ZSWIM6: variants seen among roughly 807,000 people sequenced by gnomAD.
The protein encoded by ZSWIM6 is zinc finger SWIM domain-containing protein 6.
In ZSWIM6, 9 loss-of-function variants were observed where a neutral mutation model predicts 113.2. The ratio of observed to expected loss-of-function variants is 0.08; its 90% confidence interval spans 0.05 to 0.14. ZSWIM6 has a LOEUF of 0.14. Ranked by LOEUF, ZSWIM6 falls within the 10% of genes least tolerant of loss-of-function variation. The pLI is 1.00. For missense variants in ZSWIM6, 1,162 were observed against 1,552.2 expected, an observed-to-expected ratio of 0.75 and a Z score of 4.22; for synonymous variants, 611 against 606.5, an observed-to-expected ratio of 1.01 and a Z score of -0.11.
At chr5:61,497,695 C>T (rs1205011527) in intron 4 of ZSWIM6, among the ~76,000 whole-genome samples, 1 of 152,132 alleles carries the variant, frequency 6.6e-6, no homozygotes, top group Non-Finnish European at 1.5e-5. Context: ...CCCAAACATA[C>T]ACCAGTGTTC....
intron 1 of ZSWIM6, among the ~76,000 whole-genome samples, chr5:61,400,882 C>G (rs1414800772): frequency 6.6e-6 from 1 of 152,126 alleles, no homozygotes; most frequent in African/African-American, 2.4e-5. Flanking sequence ...TTACATTTGA[C>G]TGGTGGGGAA....
intron 1 of ZSWIM6, among the ~76,000 whole-genome samples, chr5:61,381,722 C>G (rs1745490898): frequency 6.6e-6 from 1 of 152,144 alleles, no homozygotes; most frequent in Non-Finnish European, 1.5e-5. Context: ...CATATAGTCA[C>G]CCTTTTGAAT....
At chr5:61,338,545 G>C (rs1367757355) in intron 1 of ZSWIM6, among the ~76,000 whole-genome samples, 2 of 152,066 alleles carry the variant, frequency 1.3e-5, no homozygotes, top group Non-Finnish European at 2.9e-5. Flanking sequence ...GTATTTGATA[G>C]GTCCTTAGTG....
At position 61,420,107 on chromosome 5, in the gene ZSWIM6, T is replaced by C; in HGVS notation, c.677-52574T>C. 1.3e-5 allele frequency among the ~76,000 whole-genome samples: 2 copies of C among 152,258 alleles called. 1 individual carries two copies. The highest frequency in any genetic ancestry group is 4.8e-5 in the African/African-American group (2 of 41,474). ...AAATCTATTCAGATATTTTTATGGT[T>C]ATTTTAGGAACACCAAACATTTTAA... is the stretch of plus-strand genomic sequence containing the variant. On this transcript the variant is annotated intron_variant, in intron 1 of 13. Coordinates refer to ENST00000252744, the MANE Select transcript of ZSWIM6 (RefSeq NM_020928.2).
At chr5:61,352,702 A>C (rs1410756943) in intron 1 of ZSWIM6, among the ~76,000 whole-genome samples, 1 of 152,242 alleles carries the variant, frequency 6.6e-6, no homozygotes, top group Non-Finnish European at 1.5e-5. Flanking sequence ...TATTTTAATT[A>C]CAGTAAGTAC....
At chr5:61,366,204 A>G (rs1016319085) in intron 1 of ZSWIM6, among the ~76,000 whole-genome samples, 1 of 152,136 alleles carries the variant, frequency 6.6e-6, no homozygotes, top group African/African-American at 2.4e-5. Context: ...CCTAAGTGTC[A>G]TTTTTAATTT....
chr5:61,375,089 T>G, intron 1 of ZSWIM6: 1 of 1,601,014 alleles, frequency 6.2e-7, no homozygotes, highest in Non-Finnish European at 8.6e-7. Context: ...CTCGGTGTGC[T>G]ACTGTGCGCG....
chr5:61,454,918 C>T (rs1234932000), intron 1 of ZSWIM6, among the ~76,000 whole-genome samples: 3 of 150,150 alleles, frequency 2.0e-5, no homozygotes, highest in African/African-American at 7.4e-5. Context: ...TCCTTTCTGG[C>T]ACCATCACAT....
intron 1 of ZSWIM6, among the ~76,000 whole-genome samples, chr5:61,343,719 T>A (rs559791939): frequency 6.6e-6 from 1 of 152,296 alleles, no homozygotes; most frequent in Admixed American, 6.5e-5. Context: ...TTGTGATTTT[T>A]ATAATAAGTA....
rs1311908769 is a variant in ZSWIM6, at chr5:61,543,965, A to G, written c.3296A>G (p.Lys1099Arg). The change falls in exon 14 of 14, where the codon AAG (lysine) becomes AGG (arginine). Residue 1099 changes from lysine to arginine, a missense_variant. By Grantham distance (26) the Lys-to-Arg change is conservative (BLOSUM62 2). Around this residue, in one of 4 missense-constraint regions of ZSWIM6, gnomAD observed 113 missense variants for 213.8 expected, o/e 0.53. Transcript: ENST00000252744. The surrounding 1 kb of genome is among the most constrained non-coding windows in gnomAD (Gnocchi z 4.3). The stretch of plus-strand genomic sequence containing the variant: ...ATACCTCTGGTGGTCAAGAGTGTCA[A>G]GTGTGCAACGGTACTGTCAGACATT... ...AIIPLVVKSV[K>R]CATVLSDILR... The G allele has an allele frequency of 1.9e-6, 3 of 1,551,824 alleles. No individual in the cohort carries two copies. The highest frequency in any genetic ancestry group is 1.7e-4 in the Middle Eastern group (1 of 5,994).
At chr5:61,529,684 T>A (rs1288673095) in intron 7 of ZSWIM6, among the ~76,000 whole-genome samples, 1 of 152,166 alleles carries the variant, frequency 6.6e-6, no homozygotes, top group East Asian at 1.9e-4. Context: ...AGTGGGGGAG[T>A]TGTTCCTAAT....
At chr5:61,512,541 A>C (rs185218026) in intron 4 of ZSWIM6, among the ~76,000 whole-genome samples, 98 of 152,272 alleles carry the variant, frequency 6.4e-4, no homozygotes, top group Admixed American at 2.1e-3. Context: ...GAAACCGCCA[A>C]ACTGTTTGCC....
intron 1 of ZSWIM6, among the ~76,000 whole-genome samples, chr5:61,394,016 G>T (rs1168680934): frequency 6.6e-6 from 1 of 152,144 alleles, no homozygotes; most frequent in South Asian, 2.1e-4. Flanking sequence ...AACATTGTTG[G>T]CTGGTTGAAT....
chr5:61,333,920 G>A (rs950812079), intron 1 of ZSWIM6, among the ~76,000 whole-genome samples: 3 of 152,106 alleles, frequency 2.0e-5, no homozygotes, highest in Non-Finnish European at 2.9e-5. Flanking sequence ...GCGGGCTGCA[G>A]GAGCGCGAGG....
At chr5:61,528,615 T>A (rs1314284914) in intron 7 of ZSWIM6, among the ~76,000 whole-genome samples, 2 of 149,742 alleles carry the variant, frequency 1.3e-5, no homozygotes, top group African/African-American at 2.5e-5. Context: ...TGACATGGAG[T>A]CTCGCCCTGT....
chr5:61,409,007 G>C (rs1327846088), intron 1 of ZSWIM6, among the ~76,000 whole-genome samples: 1 of 149,822 alleles, frequency 6.7e-6, no homozygotes, highest in Non-Finnish European at 1.5e-5. Flanking sequence ...GGTGGCACAA[G>C]ATTTGCGTTT....
chr5:61,369,766 G>T (rs1745226885), intron 1 of ZSWIM6, among the ~76,000 whole-genome samples: 1 of 152,116 alleles, frequency 6.6e-6, no homozygotes, highest in South Asian at 2.1e-4. Flanking sequence ...ATGCATCCCT[G>T]CCATACCTCA....
At chr5:61,408,775 G>A (rs1231171666) in intron 1 of ZSWIM6, among the ~76,000 whole-genome samples, 2 of 152,268 alleles carry the variant, frequency 1.3e-5, no homozygotes, top group Admixed American at 1.3e-4. Context: ...CTACAGCTGA[G>A]GGCTTTCGAA....
rs182025871 is a variant in ZSWIM6, at chr5:61,340,632, C to T, written c.676+7684C>T. Among the ~76,000 whole-genome samples, 655 of 152,198 alleles carry T rather than the reference C, an allele frequency of 4.3e-3. 2 individuals are homozygous for T. The highest frequency in any genetic ancestry group is 0.014 in the African/African-American group (589 of 41,526). ...ATTTTCCTGGTAAGAAAACTGAGGCCCAAACTCGTTGAGTAAATTGTTTAG... is the reference window on the plus strand; with the variant it reads ...ATTTTCCTGGTAAGAAAACTGAGGCTCAAACTCGTTGAGTAAATTGTTTAG... On this transcript the variant is annotated intron_variant, in intron 1 of 13. Coordinates refer to ENST00000252744, the MANE Select transcript of ZSWIM6 (RefSeq NM_020928.2).
Sources: allele counts gnomAD v4.1 joint callset (sites outside exome capture counted in the v4.1 genomes callset), GRCh38; gene constraint gnomAD v4.1.1; regional missense constraint gnomAD v4.1.1; non-coding constraint Gnocchi (gnomAD v3.1); transcripts MANE v1.5; gene names NCBI Gene and HGNC (gene_info 2026-07-23, HGNC 2026-07-21).